Variants in TCF4 observed in about 807,000 individuals in gnomAD.
TCF4 encodes the protein transcription factor 4.
TCF4 carries 3 observed loss-of-function variants against 82.1 expected under a neutral mutation model. The ratio of observed to expected loss-of-function variants is 0.04; its 90% CI spans 0.02 to 0.09. TCF4 has a LOEUF of 0.09. Ranked by LOEUF, TCF4 falls within the 10% of genes least tolerant of loss-of-function variation. TCF4 has a pLI of 1.00. For missense variants in TCF4, 518 were observed against 852.7 expected, an observed-to-expected ratio of 0.61 and a Z score of 4.89; for synonymous variants, 276 against 309.6, an observed-to-expected ratio of 0.89 and a Z score of 1.14.
intron 8 of TCF4, chr18:55,321,748 T>C: frequency 1.3e-6 from 2 of 1,535,964 alleles, no homozygotes; most frequent in Admixed American, 2.0e-5. Flanking sequence ...TGGTCTCGGA[T>C]TCTTTTTTCT....
At chr18:55,285,956 T>C (rs1031148801) in intron 8 of TCF4, among the ~76,000 whole-genome samples, 1 of 152,246 alleles carries the variant, frequency 6.6e-6, no homozygotes, top group African/African-American at 2.4e-5. Flanking sequence ...CTGAGTACTA[T>C]TGCATATTTC....
chr18:55,531,840 T>C (rs901416194), intron 3 of TCF4, among the ~76,000 whole-genome samples: 2 of 152,208 alleles, frequency 1.3e-5, no homozygotes, highest in Non-Finnish European at 2.9e-5. Flanking sequence ...AGACACACTT[T>C]GCTTAGTCTG....
chr18:55,400,180 G>A (rs921178787), intron 6 of TCF4, among the ~76,000 whole-genome samples: 8 of 152,108 alleles, frequency 5.3e-5, no homozygotes, highest in Non-Finnish European at 7.3e-5. Flanking sequence ...CATTTGCAAT[G>A]ATGCCCATTA....
Position 55,350,445 on chromosome 18 carries a change from C to T in TCF4, c.500-37G>A, listed in dbSNP as rs780804777. 9 of 1,610,652 alleles carry T rather than the reference C, an allele frequency of 5.6e-6. No homozygotes were observed. In the South Asian group the frequency reaches 6.6e-5, roughly 12 times the overall value. ...TGAAGATGCTTTCAGCTCCCAAATG[C>T]CCATTTTCCTAACTAAGATAGGTTA... On this transcript the variant is annotated intron_variant, in intron 7 of 19. Coordinates refer to ENST00000354452, the MANE Select transcript of TCF4 (RefSeq NM_001083962.2).
intron 11 of TCF4, among the ~76,000 whole-genome samples, chr18:55,263,242 C>T (rs1455143941): frequency 2.0e-5 from 3 of 152,082 alleles, no homozygotes; most frequent in African/African-American, 7.2e-5. Context: ...ACTTCCATAT[C>T]ACAAAGTTAT....
At chr18:55,540,094 A>G (rs1319637) in intron 3 of TCF4, among the ~76,000 whole-genome samples, 20,920 of 151,898 alleles carry the variant, frequency 0.14, 1,915 homozygotes, top group Admixed American at 0.27. Flanking sequence ...GACATAATAT[A>G]GAATGAGAAT....
At chr18:55,500,092 G>T (rs577105949) in intron 3 of TCF4, among the ~76,000 whole-genome samples, 1 of 152,134 alleles carries the variant, frequency 6.6e-6, no homozygotes, top group East Asian at 1.9e-4. Context: ...TGAGGCAGGA[G>T]AATTGCTTGA....
At chr18:55,305,919 G>A (rs1293685514) in intron 8 of TCF4, among the ~76,000 whole-genome samples, 2 of 152,176 alleles carry the variant, frequency 1.3e-5, no homozygotes, top group Non-Finnish European at 2.9e-5. Flanking sequence ...CAAAGATACA[G>A]AGGTGAACTA....
intron 5 of TCF4, among the ~76,000 whole-genome samples, chr18:55,411,190 T>C (rs1412831390): frequency 1.3e-5 from 2 of 152,152 alleles, no homozygotes; most frequent in African/African-American, 4.8e-5. Context: ...AGTAATGATT[T>C]TCTGAATCAG....
intron 5 of TCF4, among the ~76,000 whole-genome samples, chr18:55,415,657 C>G (rs1037514844): frequency 1.3e-5 from 2 of 152,138 alleles, no homozygotes; most frequent in Non-Finnish European, 2.9e-5. Context: ...TAAATACTGA[C>G]TTTAACAGAT....
chr18:55,593,051 T>G (rs1468119399), upstream of TCF4, among the ~76,000 whole-genome samples: 2 of 152,196 alleles, frequency 1.3e-5, no homozygotes, highest in Non-Finnish European at 2.9e-5. Flanking sequence ...TATTTACATT[T>G]CAACATTGTC....
intron 3 of TCF4, among the ~76,000 whole-genome samples, chr18:55,476,389 T>C (rs548510331): frequency 6.6e-6 from 1 of 152,302 alleles, no homozygotes; most frequent in African/African-American, 2.4e-5. Flanking sequence ...ATTGAGTGAG[T>C]TAACTTGTTA....
Position 55,405,624 on chromosome 18 carries a change from TTATAGA to T in TCF4, c.305-2112_305-2107del, listed in dbSNP as rs2094047977. ...ATCTTTCTGCCAGGATTTGCCTCAC[TTATAGA>T]TATAAGTTGGGCTACTCCTTCCATT... On this transcript the variant is annotated intron_variant, in intron 5 of 19. Transcript: ENST00000354452. Among the ~76,000 whole-genome samples the T allele has an allele frequency of 2.0e-5, 3 of 152,290 alleles. No homozygotes were observed. The South Asian group carries it at 6.2e-4, about 32-fold the overall frequency.
At chr18:55,371,466 A>G (rs1278835163) in intron 6 of TCF4, among the ~76,000 whole-genome samples, 2 of 152,214 alleles carry the variant, frequency 1.3e-5, no homozygotes, top group Admixed American at 6.5e-5. Context: ...GGAGAAATAA[A>G]GAAATCATGC....
chr18:55,414,905 G>A (rs1569430807), intron 5 of TCF4, among the ~76,000 whole-genome samples: 1 of 152,182 alleles, frequency 6.6e-6, no homozygotes, highest in African/African-American at 2.4e-5. Context: ...AACCAAAAAT[G>A]CTTTTATAAA....
intron 11 of TCF4, chr18:55,265,450 A>G (rs2058933734): frequency 6.6e-6 from 1 of 152,166 alleles, no homozygotes; most frequent in African/African-American, 2.4e-5. Flanking sequence ...CTATTTTTTA[A>G]CAGGAGGGAT....
chr18:55,357,431 G>T (rs1386364323), intron 6 of TCF4, among the ~76,000 whole-genome samples: 1 of 152,168 alleles, frequency 6.6e-6, no homozygotes, highest in Non-Finnish European at 1.5e-5. Flanking sequence ...TATGTAGTGA[G>T]TTGATATGCT....
chr18:55,504,805 C>G (rs964689677), intron 3 of TCF4, among the ~76,000 whole-genome samples: 1 of 152,078 alleles, frequency 6.6e-6, no homozygotes, highest in East Asian at 1.9e-4. Context: ...AAAAACCAAT[C>G]GAAGTATTAA....
intron 9 of TCF4, among the ~76,000 whole-genome samples, chr18:55,279,021 C>T (rs2062006046): frequency 2.6e-5 from 4 of 152,170 alleles, no homozygotes; most frequent in Admixed American, 2.6e-4. Flanking sequence ...GGCCTTTTAT[C>T]CTAAACCAGT....
Sources: gnomAD v4.1 joint callset for allele counts (sites outside exome capture counted in the v4.1 genomes callset) on GRCh38, gnomAD v4.1.1 for gene constraint, MANE v1.5 for transcripts, NCBI Gene and HGNC (gene_info 2026-07-23, HGNC 2026-07-21) for gene names.